TMEM267: variants seen among roughly 807,000 people sequenced by gnomAD.
TMEM267 encodes transmembrane protein 267.
Under a neutral mutation model 19.3 loss-of-function variants are expected in TMEM267, and 20 were observed. The ratio of observed to expected loss-of-function variants is 1.04; its 90% CI spans 0.73 to 1.51. TMEM267 has a LOEUF of 1.51. Among genes scored for constraint, TMEM267 ranks in the 40% most tolerant of loss-of-function variants. TMEM267 has a pLI of 0.00. For synonymous variants in TMEM267, 88 were observed against 90.3 expected, an observed-to-expected ratio of 0.97 and a Z score of 0.15; for missense variants, 242 against 261.9, an observed-to-expected ratio of 0.92 and a Z score of 0.52.
chr5:43,457,598 A>G (rs1352765435), intron 1 of TMEM267, among the ~76,000 whole-genome samples: 2 of 152,126 alleles, frequency 1.3e-5, no homozygotes, highest in Non-Finnish European at 2.9e-5. Context: ...TCATGAGAAC[A>G]CCTAGGGGGA....
intron 1 of TMEM267, among the ~76,000 whole-genome samples, chr5:43,467,166 AAAG>A (rs1743784607): frequency 1.3e-5 from 2 of 151,030 alleles, no homozygotes; most frequent in African/African-American, 4.9e-5. Context: ...AAAAAAAAAA[AAAG>A]AAGGAAGAAA....
chr5:43,458,560 G>A (rs564103585), intron 1 of TMEM267, among the ~76,000 whole-genome samples: 4 of 152,292 alleles, frequency 2.6e-5, no homozygotes. Context: ...ACTTTGGTAA[G>A]GGACGCATAT....
chr5:43,452,769 G>C (rs1561185652), intron 2 of TMEM267, among the ~76,000 whole-genome samples: 3 of 152,102 alleles, frequency 2.0e-5, no homozygotes, highest in Admixed American at 6.5e-5. Flanking sequence ...CTAAATAAGT[G>C]AATCAATTTC....
At position 43,473,139 on chromosome 5, in the gene TMEM267, C is replaced by CAAAA. The variant is rs71610311; in HGVS notation, c.-75+10679_-75+10682dup. Among the ~76,000 whole-genome samples, 769 of 81,582 alleles carry CAAAA rather than the reference C, an allele frequency of 9.4e-3. 7 individuals are homozygous for CAAAA. The highest frequency in any genetic ancestry group is 0.042 in the Middle Eastern group (5 of 118). 53.5% of individuals were successfully genotyped at this position (81,582 alleles called of 152,430 possible). A position where few individuals can be genotyped will look rare whatever the true frequency, so the allele number is the denominator to read the frequency against. The stretch of plus-strand genomic sequence containing the variant: ...GACTACAGAGCGAGACTCCGTGTCA[C>CAAAA]AAAAAAAAAAAAAAAAAAAAAATAG... On this transcript the variant is annotated intron_variant, in intron 1 of 2. Transcript: ENST00000397080.
chr5:43,457,115 C>T (rs1180057452), intron 1 of TMEM267, among the ~76,000 whole-genome samples: 1 of 152,122 alleles, frequency 6.6e-6, no homozygotes, highest in Non-Finnish European at 1.5e-5. Context: ...ACAAAAATTA[C>T]ACAGTTAAAA....
chr5:43,460,313 T>C (rs1743184480), intron 1 of TMEM267, among the ~76,000 whole-genome samples: 1 of 152,118 alleles, frequency 6.6e-6, no homozygotes, highest in Admixed American at 6.5e-5. Context: ...GGACTCCTGC[T>C]ATAAACAGTA....
chr5:43,475,705 C>T (rs1744376117), intron 1 of TMEM267, among the ~76,000 whole-genome samples: 1 of 151,982 alleles, frequency 6.6e-6, no homozygotes, highest in African/African-American at 2.4e-5. Flanking sequence ...CCAAGAGAAC[C>T]AACAGAAAAC....
rs192474619 is a variant in TMEM267, at chr5:43,481,864, A to G, written c.-75+1958T>C. 2.6e-5 allele frequency among the ~76,000 whole-genome samples: 4 copies of G among 152,262 alleles called. No homozygotes were observed. The East Asian group carries it at 7.7e-4, about 29-fold the overall frequency. On this transcript the variant is annotated intron_variant, in intron 1 of 2. Transcript: ENST00000397080. ...TTTGTTTGTTTGTGTTTTGTGTGAGATGGTTCCTCGCTCTGTCACCCAGGC... is the reference window on the plus strand; with the variant it reads ...TTTGTTTGTTTGTGTTTTGTGTGAGGTGGTTCCTCGCTCTGTCACCCAGGC...
chr5:43,459,384 C>T (rs77564108), intron 1 of TMEM267, among the ~76,000 whole-genome samples: 5 of 152,152 alleles, frequency 3.3e-5, no homozygotes, highest in African/African-American at 1.2e-4. Flanking sequence ...ACAAATACCA[C>T]AACAAATGTG....
In TMEM267 at chr5:43,456,923, A is replaced by G. The variant is rs572518558; in HGVS notation, c.-74-2880T>C. Among the ~76,000 whole-genome samples the G allele has an allele frequency of 1.1e-4, 16 of 152,366 alleles. 1 individual carries two copies. In the South Asian group the frequency reaches 3.1e-3, roughly 30 times the overall value. On this transcript the variant is annotated intron_variant, in intron 1 of 2. Coordinates refer to ENST00000397080, the MANE Select transcript of TMEM267 (RefSeq NM_022483.5). The stretch of plus-strand genomic sequence containing the variant: ...TTTTCCCAAAAGCTTATGTGTACAC[A>G]AAGGCTTACACATGAATGTTCATAG...
chr5:43,464,694 A>T (rs1372020523), intron 1 of TMEM267, among the ~76,000 whole-genome samples: 1 of 152,258 alleles, frequency 6.6e-6, no homozygotes, highest in Middle Eastern at 3.2e-3. Context: ...TGACAAAAAC[A>T]AGAAATGGGG....
At chr5:43,464,533 T>C (rs1254037986) in intron 1 of TMEM267, among the ~76,000 whole-genome samples, 2 of 152,258 alleles carry the variant, frequency 1.3e-5, no homozygotes, top group Non-Finnish European at 2.9e-5. Flanking sequence ...GCCAGAGGCA[T>C]CACGCTACCT....
intron 1 of TMEM267, 24 bp downstream of exon 1, chr5:43,483,798 A>C (rs1744960255): frequency 6.6e-6 from 1 of 152,368 alleles, no homozygotes; most frequent in South Asian, 2.1e-4. Context: ...CCTCAGTCCC[A>C]CGCAGCGGCT....
At chr5:43,451,717 C>T (rs1027931829) in intron 2 of TMEM267, among the ~76,000 whole-genome samples, 1 of 152,134 alleles carries the variant, frequency 6.6e-6, no homozygotes, top group African/African-American at 2.4e-5. Flanking sequence ...AAAAATAGAA[C>T]TACCCTTTGA....
intron 1 of TMEM267, among the ~76,000 whole-genome samples, chr5:43,465,778 G>A (rs1285571002): frequency 7.2e-5 from 11 of 152,094 alleles, no homozygotes; most frequent in African/African-American, 2.7e-4. Flanking sequence ...CACAGGAAGG[G>A]GAACATCACA....
At chr5:43,472,344 AAT>A (rs1744132737) in intron 1 of TMEM267, among the ~76,000 whole-genome samples, 1 of 152,182 alleles carries the variant, frequency 6.6e-6, no homozygotes, top group African/African-American at 2.4e-5. Context: ...TCTTGGTGGG[AAT>A]GTAAATTAGT....
In TMEM267 at chr5:43,469,887, G is replaced by T. The variant is rs368733774; in HGVS notation, c.-75+13935C>A. 2.0e-5 allele frequency among the ~76,000 whole-genome samples: 3 copies of T among 152,252 alleles called. No individual in the cohort carries two copies. In the South Asian group the frequency reaches 6.2e-4, roughly 32 times the overall value. On this transcript the variant is annotated intron_variant, in intron 1 of 2. Coordinates refer to ENST00000397080, the MANE Select transcript of TMEM267 (RefSeq NM_022483.5). ...CCAATTTCACCCTGGCGATGTAAAC[G>T]GATGGCTTATCTTCACAGGTGCAGG...
chr5:43,465,684 G>A (rs115054920), intron 1 of TMEM267, among the ~76,000 whole-genome samples: 1,872 of 151,302 alleles, frequency 0.012, 47 homozygotes, highest in African/African-American at 0.043. Context: ...GGAAACCATC[G>A]TCAGCAAACT....
chr5:43,462,448 A>G (rs1171969258), intron 1 of TMEM267, among the ~76,000 whole-genome samples: 1 of 152,214 alleles, frequency 6.6e-6, no homozygotes, highest in African/African-American at 2.4e-5. Context: ...ATAAGGCACT[A>G]AAGACCAATC....
Sources: gnomAD v4.1 joint callset for allele counts (sites outside exome capture counted in the v4.1 genomes callset) on GRCh38, gnomAD v4.1.1 for gene constraint, MANE v1.5 for transcripts, NCBI Gene and HGNC (gene_info 2026-07-23, HGNC 2026-07-21) for gene names.